Variants in IFNAR1 observed in about 807,000 individuals in gnomAD.
The protein encoded by IFNAR1 is interferon alpha and beta receptor subunit 1, also known as interferon alpha/beta receptor 1.
In IFNAR1, 47 loss-of-function variants were observed where a neutral mutation model predicts 62.1. That is an observed-to-expected ratio of 0.76 (90% CI 0.60 to 0.97). The LOEUF (loss-of-function observed/expected upper bound fraction) is 0.97. Among genes scored for constraint, IFNAR1 ranks in the 50% least tolerant of loss-of-function variants. The probability of loss-of-function intolerance (pLI) is 0.00; values close to 1 mark genes in which losing one functional copy is unlikely to be tolerated. For synonymous variants in IFNAR1, 219 were observed against 226.9 expected (o/e 0.97, Z 0.31); for missense variants, 638 against 654.5 (o/e 0.97, Z 0.27).
intron 1 of IFNAR1, chr21:33,334,564 G>A (rs2843994): frequency 0.76 from 399,456 of 528,828 alleles, 152,336 homozygotes; most frequent in African/African-American, 0.91. Flanking sequence ...ACTGCCCTGC[G>A]AGAAATGCTT....
chr21:33,349,951 A>G (rs758256787), intron 8 of IFNAR1, among the ~76,000 whole-genome samples: 1 of 151,898 alleles, frequency 6.6e-6, no homozygotes, highest in Non-Finnish European at 1.5e-5. Context: ...TAACTCAGAT[A>G]TTAACAAAAT....
chr21:33,354,219 G>C (rs1601036819), intron 10 of IFNAR1, among the ~76,000 whole-genome samples: 1 of 152,220 alleles, frequency 6.6e-6, no homozygotes, highest in African/African-American at 2.4e-5. Context: ...GCACATGCCT[G>C]TAATCCCAGC....
Position 33,359,745 on chromosome 21 carries a change from A to T in IFNAR1, c.*4196A>T, listed in dbSNP as rs1236804575. ...ATTCAGGCTGGGAACCTGAACACAC[A>T]CTTGTGTTTTTAAGCTTCCCTTTTT... On this transcript the variant is annotated 3_prime_UTR_variant, in exon 11 of 11. Transcript: ENST00000270139. 6.6e-6 allele frequency: 1 copy of T among 152,176 alleles called. No individual in the cohort carries two copies. The highest frequency in any genetic ancestry group is 2.4e-5 in the African/African-American group (1 of 41,438). The allele number at this position is 152,176 out of a possible 1,614,324, so 9.4% of individuals were successfully genotyped here.
intron 1 of IFNAR1, among the ~76,000 whole-genome samples, chr21:33,330,743 G>A (rs1187791627): frequency 6.6e-6 from 1 of 152,214 alleles, no homozygotes; most frequent in African/African-American, 2.4e-5. Context: ...TGGCCACATG[G>A]AGAATGGGAG....
In IFNAR1 at chr21:33,358,805, A is replaced by G. The variant is rs1463090956; in HGVS notation, c.*3256A>G. The G allele has an allele frequency of 1.3e-5, 2 of 152,044 alleles. No individual in the cohort carries two copies. The highest frequency in any genetic ancestry group is 2.9e-5 in the Non-Finnish European group (2 of 68,032). The allele number at this position is 152,044 out of a possible 1,614,324, so 9.4% of individuals were successfully genotyped here. On this transcript the variant is annotated 3_prime_UTR_variant, in exon 11 of 11. Transcript: ENST00000270139. ...ACTTCAGGCCAGGAGTTCAAGATCA[A>G]CCAACCTGGGTAACATGGCCAGACC...
In IFNAR1 at chr21:33,358,116, C is replaced by T. The variant is rs2083466430; in HGVS notation, c.*2567C>T. The stretch of plus-strand genomic sequence containing the variant: ...TCTAGGAAGTTGGAGCACAAGGCTT[C>T]ACGCTTTAAGACCATCTGTGGTTTT... On this transcript the variant is annotated 3_prime_UTR_variant, in exon 11 of 11. Coordinates refer to ENST00000270139, the MANE Select transcript of IFNAR1 (RefSeq NM_000629.3). The T allele has an allele frequency of 2.0e-5, 3 of 152,224 alleles. No homozygotes were observed. The highest frequency in any genetic ancestry group is 7.2e-5 in the African/African-American group (3 of 41,456). The allele number at this position is 152,224 out of a possible 1,614,324, so 9.4% of individuals were successfully genotyped here.
chr21:33,332,473 G>A (rs934521105), intron 1 of IFNAR1, among the ~76,000 whole-genome samples: 4 of 152,152 alleles, frequency 2.6e-5, no homozygotes, highest in Non-Finnish European at 4.4e-5. Flanking sequence ...ACATGAAAAA[G>A]CAAGGAAATA....
chr21:33,350,269 T>G (rs948292938), intron 8 of IFNAR1, among the ~76,000 whole-genome samples: 2 of 150,204 alleles, frequency 1.3e-5, no homozygotes, highest in African/African-American at 4.9e-5. Flanking sequence ...TTCCTAGTTG[T>G]GACAACCAAA....
At chr21:33,354,345 A>C (rs940781833) in intron 10 of IFNAR1, among the ~76,000 whole-genome samples, 8 of 152,202 alleles carry the variant, frequency 5.3e-5, no homozygotes, top group Admixed American at 2.6e-4. Flanking sequence ...CTGTCTCTAA[A>C]TAAGTAAATA....
chr21:33,348,990 G>T, intron 6 of IFNAR1, 101 bp from the exon 7 acceptor site: 1 of 688,950 alleles, frequency 1.5e-6, no homozygotes, highest in Non-Finnish European at 2.4e-6. Flanking sequence ...CCTGAGTGTG[G>T]ATACTATTTA....
chr21:33,352,458 A>C (rs572493985), intron 8 of IFNAR1, among the ~76,000 whole-genome samples: 27 of 152,060 alleles, frequency 1.8e-4, no homozygotes, highest in Non-Finnish European at 3.4e-4. Flanking sequence ...AAAAAAAATT[A>C]GGCGTGGTGG....
chr21:33,336,141 T>G (rs2083232462), intron 2 of IFNAR1, among the ~76,000 whole-genome samples: 1 of 146,148 alleles, frequency 6.8e-6, no homozygotes, highest in South Asian at 2.3e-4. Flanking sequence ...TTCTCATTGT[T>G]CAGTTCCCAC....
At chr21:33,346,635 T>C (rs2083349993) in intron 6 of IFNAR1, among the ~76,000 whole-genome samples, 1 of 152,100 alleles carries the variant, frequency 6.6e-6, no homozygotes, top group Non-Finnish European at 1.5e-5. Flanking sequence ...ACTGAAGAAA[T>C]GGAAAGAGTC....
upstream of IFNAR1, chr21:33,324,892 G>GTGT (rs2083108317): frequency 1.2e-5 from 7 of 571,546 alleles, no homozygotes; most frequent in Admixed American, 2.9e-5. Flanking sequence ...GCGGAGGGGC[G>GTGT]GTGTGTGTGT....
chr21:33,347,721 G>A (rs1003964975), intron 6 of IFNAR1, among the ~76,000 whole-genome samples: 2 of 152,156 alleles, frequency 1.3e-5, no homozygotes, highest in Non-Finnish European at 2.9e-5. Flanking sequence ...GGCCTCCATC[G>A]TATTTACAGG....
rs754602682 is a variant in IFNAR1 at position 33,352,836 on chromosome 21, G to A, written c.1222G>A (p.Ala408Thr). The change falls in exon 9 of 11, where the codon GCA becomes ACA. Residue 408 changes from alanine (A) to threonine (T), a missense_variant. Transcript: ENST00000270139. The stretch of plus-strand genomic sequence containing the variant: ...GACTGTATATTGTGTGAAAGCCAGA[G>A]CACACACCATGGATGAAAAGCTGAA... ...PLTVYCVKAR[A>T]HTMDEKLNKS... 1 of 1,605,290 alleles carries A rather than the reference G, an allele frequency of 6.2e-7. No individual in the cohort carries two copies. The highest frequency in any genetic ancestry group is 8.5e-7 in the Non-Finnish European group (1 of 1,173,410).
intron 2 of IFNAR1, among the ~76,000 whole-genome samples, chr21:33,337,447 C>G (rs1025639646): frequency 2.6e-5 from 4 of 152,048 alleles, no homozygotes; most frequent in African/African-American, 9.6e-5. Context: ...AACCATGTTC[C>G]CCTGTCCAAG....
At chr21:33,335,911 GCTT>G (rs2083229473) in intron 2 of IFNAR1, among the ~76,000 whole-genome samples, 1 of 128,806 alleles carries the variant, frequency 7.8e-6, no homozygotes, top group East Asian at 2.1e-4. Flanking sequence ...GGGTGTTCCA[GCTT>G]CTTTTTTTTT....
chr21:33,358,852 T>C lies in IFNAR1; in HGVS notation c.*3303T>C, dbSNP rs1281120740. 1 of 151,878 alleles carries C rather than the reference T, an allele frequency of 6.6e-6. No homozygotes were observed. Among genetic ancestry groups the C allele is most frequent in the East Asian group, 1.9e-4 (1 of 5,186 alleles). 9.4% of individuals were successfully genotyped at this position (151,878 alleles called of 1,614,324 possible). On this transcript the variant is annotated 3_prime_UTR_variant, in exon 11 of 11. Transcript: ENST00000270139. ...GACCCCATCTCTATTTATATATATA[T>C]ATATAAAACTTAGAGTTTTTATCTT...
Sources: gnomAD v4.1 joint callset for allele counts (sites outside exome capture counted in the v4.1 genomes callset) on GRCh38, gnomAD v4.1.1 for gene constraint, MANE v1.5 for transcripts, NCBI Gene and HGNC (gene_info 2026-07-23, HGNC 2026-07-21) for gene names.